Variants in CDK19 observed in about 807,000 individuals in gnomAD.
The protein encoded by CDK19 is cyclin-dependent kinase 19.
In CDK19, 20 loss-of-function variants were observed where a neutral mutation model predicts 68.3. That is an observed-to-expected ratio of 0.29 (90% CI 0.21 to 0.43). The LOEUF (loss-of-function observed/expected upper bound fraction) is 0.43. Among genes scored for constraint, CDK19 ranks in the 20% least tolerant of loss-of-function variants. CDK19 has a pLI of 1.00. For synonymous variants in CDK19, 221 were observed against 222.8 expected (o/e 0.99, Z 0.07); for missense variants, 339 against 623.5 (o/e 0.54, Z 4.86).
chr6:110,810,748 T>C (rs1488479175), intron 1 of CDK19, among the ~76,000 whole-genome samples: 1 of 148,828 alleles, frequency 6.7e-6, no homozygotes, highest in Non-Finnish European at 1.5e-5. Flanking sequence ...CACTCCAGCC[T>C]GGGCAACAAG....
intron 1 of CDK19, among the ~76,000 whole-genome samples, chr6:110,804,727 G>A (rs926538704): frequency 6.0e-5 from 9 of 149,536 alleles, no homozygotes; most frequent in African/African-American, 2.0e-4. Flanking sequence ...AGGCCGAGGC[G>A]GGCGGATCAC....
At chr6:110,759,342 G>A (rs867573696) in intron 1 of CDK19, among the ~76,000 whole-genome samples, 67 of 143,940 alleles carry the variant, frequency 4.7e-4, no homozygotes, top group African/African-American at 1.3e-3. Flanking sequence ...GAGGTGGAGC[G>A]TGCAGTGAGC....
chr6:110,742,578 T>G (rs1469843501), intron 2 of CDK19, among the ~76,000 whole-genome samples: 5 of 152,166 alleles, frequency 3.3e-5, no homozygotes, highest in Non-Finnish European at 7.4e-5. Context: ...GTAGGAGAGA[T>G]ATTGCTGAAA....
At chr6:110,651,277 T>G (rs1475701537) in intron 4 of CDK19, among the ~76,000 whole-genome samples, 1 of 136,520 alleles carries the variant, frequency 7.3e-6, no homozygotes, top group Admixed American at 7.1e-5. Context: ...GTCTAACACC[T>G]ATTTATGTAT....
intron 4 of CDK19, among the ~76,000 whole-genome samples, chr6:110,663,298 CAT>C (rs920916609): frequency 2.0e-5 from 3 of 152,290 alleles, no homozygotes; most frequent in Non-Finnish European, 4.4e-5. Flanking sequence ...ACTCACAAAA[CAT>C]AATTTTTCAA....
At chr6:110,693,705 G>T (rs1034648157) in intron 2 of CDK19, among the ~76,000 whole-genome samples, 2 of 152,032 alleles carry the variant, frequency 1.3e-5, no homozygotes, top group Non-Finnish European at 2.9e-5. Context: ...AATCCCATTG[G>T]CTTAAGAACC....
chr6:110,724,258 G>C (rs1053238515), intron 2 of CDK19, among the ~76,000 whole-genome samples: 5 of 152,138 alleles, frequency 3.3e-5, no homozygotes, highest in African/African-American at 1.2e-4. Flanking sequence ...GGAAGGCTGA[G>C]GCAGGAGAAT....
At chr6:110,749,702 G>T (rs1028162940) in intron 1 of CDK19, among the ~76,000 whole-genome samples, 33 of 151,724 alleles carry the variant, frequency 2.2e-4, no homozygotes, top group African/African-American at 8.0e-4. Context: ...ATAGAGAGTA[G>T]AAAATATAAA....
intron 5 of CDK19, 62 bp from the exon 6 acceptor site, chr6:110,632,223 A>T: frequency 7.4e-7 from 1 of 1,347,716 alleles, no homozygotes. Flanking sequence ...CTTTTGGCTA[A>T]GATCAAGTGT....
At chr6:110,787,466 G>T (rs549200869) in intron 1 of CDK19, among the ~76,000 whole-genome samples, 385 of 152,088 alleles carry the variant, frequency 2.5e-3, no homozygotes, top group Non-Finnish European at 3.9e-3. Context: ...TTGGAGAGGG[G>T]AACAAGGTCT....
intron 1 of CDK19, among the ~76,000 whole-genome samples, chr6:110,767,767 G>A (rs973978741): frequency 1.3e-5 from 2 of 152,042 alleles, no homozygotes; most frequent in African/African-American, 4.8e-5. Context: ...ATGTACTGGA[G>A]TATCACATGT....
At chr6:110,641,618 A>C (rs989382401) in intron 4 of CDK19, among the ~76,000 whole-genome samples, 55 of 146,296 alleles carry the variant, frequency 3.8e-4, no homozygotes, top group African/African-American at 1.4e-3. Flanking sequence ...AAAGAAAAAG[A>C]AAGGAGAGGA....
At chr6:110,719,032 A>T (rs566446218) in intron 2 of CDK19, among the ~76,000 whole-genome samples, 10 of 152,306 alleles carry the variant, frequency 6.6e-5, no homozygotes, top group African/African-American at 2.4e-4. Flanking sequence ...TATGTATGTA[A>T]AAATGCAAGC....
At chr6:110,692,054 G>A (rs1404734522) in intron 2 of CDK19, among the ~76,000 whole-genome samples, 4 of 151,788 alleles carry the variant, frequency 2.6e-5, no homozygotes, top group East Asian at 2.0e-4. Flanking sequence ...CCAGCACTTC[G>A]GGAGGCCAAG....
chr6:110,754,751 A>G (rs1778720742), intron 1 of CDK19, among the ~76,000 whole-genome samples: 1 of 152,188 alleles, frequency 6.6e-6, no homozygotes, highest in South Asian at 2.1e-4. Context: ...AAGTGCTGGG[A>G]TTACAGGCGT....
intron 1 of CDK19, among the ~76,000 whole-genome samples, chr6:110,803,846 G>C (rs1188338013): frequency 1.3e-5 from 2 of 152,148 alleles, no homozygotes; most frequent in African/African-American, 4.8e-5. Context: ...TAACATGCCT[G>C]TAGTCCCAGC....
intron 1 of CDK19, among the ~76,000 whole-genome samples, chr6:110,810,544 G>T (rs936394976): frequency 1.3e-5 from 2 of 152,176 alleles, no homozygotes; most frequent in Non-Finnish European, 2.9e-5. Flanking sequence ...GGAGGCCGAG[G>T]CAGGTGGATC....
In CDK19 at chr6:110,638,657, A is replaced by T. The variant is rs1214040281; in HGVS notation, c.506T>A (p.Val169Asp). Residue 169 changes from valine (V) to aspartate (D), a missense_variant, in exon 5 of 13, where the codon GTC (valine) becomes GAC (aspartate). Physicochemically the swap from Val to Asp is radical, Grantham distance 152 (BLOSUM62 -3). Around this residue, in one of 4 missense-constraint regions of CDK19, gnomAD observed 120 missense variants for 224.0 expected, o/e 0.54. Transcript: ENST00000368911. ...TAGGAATAATTACCTACCTATTTTG[A>T]CTCTCCCCCTCTCAGGACCTTCTCC... ...VMGEGPERGR[V>D]KIADMGFARL... 18 of 1,488,156 alleles carry T rather than the reference A, an allele frequency of 1.2e-5. No homozygotes were observed. Among genetic ancestry groups the T allele is most frequent in the African/African-American group, 2.8e-5 (2 of 72,286 alleles). 92.2% of individuals were successfully genotyped at this position (1,488,156 alleles called of 1,614,324 possible). A position where few individuals can be genotyped will look rare whatever the true frequency, so the allele number is the denominator to read the frequency against.
chr6:110,638,537 A>G (rs754289805), intron 5 of CDK19, 112 bp downstream of exon 5: 61 of 670,526 alleles, frequency 9.1e-5, no homozygotes, highest in Non-Finnish European at 1.5e-4. Flanking sequence ...TTCTAAAAAT[A>G]ATGAGAAAGT....
Sources: allele counts gnomAD v4.1 joint callset (sites outside exome capture counted in the v4.1 genomes callset), GRCh38; gene constraint gnomAD v4.1.1; regional missense constraint gnomAD v4.1.1; transcripts MANE v1.5; gene names NCBI Gene and HGNC (gene_info 2026-07-23, HGNC 2026-07-21).